NEB: variants seen among roughly 807,000 people sequenced by gnomAD.
The protein encoded by NEB is nemaline myopathy type 2.
In NEB, 512 loss-of-function variants were observed where a neutral mutation model predicts 952.2. That is an observed-to-expected ratio of 0.54 (90% confidence interval 0.50 to 0.58). The LOEUF (loss-of-function observed/expected upper bound fraction) is 0.58. Ranked by LOEUF, NEB falls within the 20% of genes least tolerant of loss-of-function variation. The pLI, the probability that NEB is intolerant of heterozygous loss-of-function variation, is 0.00. For missense variants in NEB, 8,428 were observed against 9,231.1 expected, an observed-to-expected ratio of 0.91 and a Z score of 3.56; for synonymous variants, 2,900 against 3,149.8, an observed-to-expected ratio of 0.92 and a Z score of 2.66.
rs1158944281 is a variant in NEB, at chr2:151,499,595, C to CAT, written c.24022-207_24022-206dup. 1.5e-5 allele frequency: 6 copies of CAT among 395,724 alleles called. No individual in the cohort carries two copies. In the Admixed American group the frequency reaches 2.5e-4, roughly 17 times the overall value. The allele number at this position is 395,724 out of a possible 1,614,324, so 24.5% of individuals were successfully genotyped here. ...AAATATCAGTGTATTTGATATTCAT[C>CAT]ATCTTTTTATTGTAACTTGAATATA... is the stretch of plus-strand genomic sequence containing the variant. On this transcript the variant is annotated intron_variant, in intron 168 of 181. Transcript: ENST00000397345.
At chr2:151,642,918 C>T (rs977998999) in intron 58 of NEB, 49 bp from the exon 59 acceptor site, 11 of 1,386,562 alleles carry the variant, frequency 7.9e-6, no homozygotes, top group Non-Finnish European at 1.1e-5. Flanking sequence ...AATAAATAGA[C>T]ACATGCAGAC....
intron 148 of NEB, among the ~76,000 whole-genome samples, 183 bp downstream of exon 148, chr2:151,526,734 CT>C (rs1195043367): frequency 6.6e-6 from 1 of 152,182 alleles, no homozygotes; most frequent in East Asian, 1.9e-4. Context: ...TCTAATGGCC[CT>C]TGCACTGCTG....
intron 181 of NEB, among the ~76,000 whole-genome samples, chr2:151,487,419 C>T (rs1574359220): frequency 6.6e-6 from 1 of 152,170 alleles, no homozygotes; most frequent in African/African-American, 2.4e-5. Context: ...TGCATATATT[C>T]AAATTCACAA....
intron 3 of NEB, 101 bp downstream of exon 3, chr2:151,733,020 A>C: frequency 9.7e-7 from 1 of 1,029,442 alleles, no homozygotes; most frequent in South Asian, 1.5e-5. Context: ...TTGTGAAGTT[A>C]TAATAGACAA....
intron 161 of NEB, among the ~76,000 whole-genome samples, chr2:151,511,521 A>G (rs2074312086): frequency 6.6e-6 from 1 of 152,222 alleles, no homozygotes. Flanking sequence ...ACTAGCATCA[A>G]AATTCCAGAG....
chr2:151,619,426 C>T (rs1235601370), intron 73 of NEB, 25 bp downstream of exon 73: 2 of 1,562,538 alleles, frequency 1.3e-6, no homozygotes, highest in Admixed American at 1.8e-5. Context: ...TTTTAACATG[C>T]AGAGCTAACA....
intron 58 of NEB, 42 bp downstream of exon 58, chr2:151,643,107 AC>A: frequency 6.4e-7 from 1 of 1,559,984 alleles, no homozygotes; most frequent in Non-Finnish European, 8.8e-7. Context: ...GTTTCCATAA[AC>A]AAAAAAAATT....
intron 44 of NEB, 145 bp downstream of exon 44, chr2:151,664,355 TG>T: frequency 1.8e-6 from 1 of 568,054 alleles, no homozygotes. Context: ...GGTACTTGGA[TG>T]GGGTGAAGGG....
At chr2:151,512,560 T>C (rs1301100117) in intron 161 of NEB, among the ~76,000 whole-genome samples, 173 bp downstream of exon 161, 2 of 151,176 alleles carry the variant, frequency 1.3e-5, no homozygotes, top group Non-Finnish European at 3.0e-5. Flanking sequence ...ATGATCCACT[T>C]TCCTTGGCCT....
chr2:151,716,130 C>CT (rs762939015), intron 10 of NEB: 19,490 of 337,610 alleles, frequency 0.058, 43 homozygotes, highest in South Asian at 0.096. Context: ...CACTTTCTTT[C>CT]TTTTTTTTTT....
At position 151,640,606 on chromosome 2, in the gene NEB, G is replaced by T. The variant is rs747131655; in HGVS notation, c.8434C>A (p.Arg2812Ser). ...LGHHIGARAI[R>S]DDPKMMWSMH... The stretch of plus-strand genomic sequence containing the variant: ...GACCACATCATCTTGGGGTCATCAC[G>T]TATAGCTCGGGCACCAATGTGGTGG... The change falls in exon 61 of 182, where the codon CGT becomes AGT. Residue 2812 changes from arginine to serine, a missense_variant. By Grantham distance (110) the Arg-to-Ser change is moderately radical. Transcript: ENST00000397345. 4.3e-6 allele frequency: 7 copies of T among 1,613,860 alleles called. No homozygotes were observed. In the East Asian group the frequency reaches 8.9e-5, roughly 21 times the overall value.
rs542706227 is a variant in NEB at position 151,485,924 on chromosome 2, G to A, written c.25414C>T (p.Arg8472Cys). 75 of 1,613,688 alleles carry A rather than the reference G, an allele frequency of 4.6e-5. No individual in the cohort carries two copies. Among genetic ancestry groups the A allele is most frequent in the South Asian group, 6.6e-5 (6 of 91,074 alleles). Residue 8472 changes from arginine to cysteine, a missense_variant, in exon 182 of 182, where the codon CGT becomes TGT. Transcript: ENST00000397345. ...GCAGCCATATAGTCATACATGGCACGGAAGATTTTCTATTCGTGGGGATGG... is the reference window on the plus strand; with the variant it reads ...GCAGCCATATAGTCATACATGGCACAGAAGATTTTCTATTCGTGGGGATGG... ...SHPSTAGKIF[R>C]AMYDYMAADA...
intron 65 of NEB, among the ~76,000 whole-genome samples, chr2:151,632,581 C>T (rs2098690400): frequency 6.7e-6 from 1 of 149,352 alleles, no homozygotes; most frequent in South Asian, 2.1e-4. Flanking sequence ...GAGGCTGAAG[C>T]ATGAGAATCA....
chr2:151,552,191 G>C (rs943633986), intron 128 of NEB, among the ~76,000 whole-genome samples: 2 of 152,196 alleles, frequency 1.3e-5, no homozygotes, highest in African/African-American at 4.8e-5. Context: ...TGTGTCAGGC[G>C]TCATAGTGGG....
Position 151,619,517 on chromosome 2 carries a change from T to C in NEB, c.10806A>G (p.Glu3602=), listed in dbSNP as rs763417230. Residue 3602 remains glutamate, a synonymous_variant, in exon 73 of 182, where the codon GAA becomes GAG. Transcript: ENST00000397345. ...CATTCTGGTCGGGCAGGCAGATCCA[T>C]TCATGCAGAGGATGTTTATAGTCCA... The part of the protein sequence containing the change: ...SDVDYKHPLH[E]WICLPDQNDI... 1 of 1,613,930 alleles carries C rather than the reference T, an allele frequency of 6.2e-7. No individual in the cohort carries two copies. Among genetic ancestry groups the C allele is most frequent in the Non-Finnish European group, 8.5e-7 (1 of 1,179,826 alleles).
At chr2:151,667,958 G>C (rs749386810) in intron 39 of NEB, 47 bp from the exon 40 acceptor site, 1 of 1,465,314 alleles carries the variant, frequency 6.8e-7, no homozygotes, top group Non-Finnish European at 9.4e-7. Flanking sequence ...CATTAAAAGA[G>C]GAATGAAACA....
chr2:151,718,467 C>A (rs555139925), intron 9 of NEB, among the ~76,000 whole-genome samples: 1 of 152,282 alleles, frequency 6.6e-6, no homozygotes, highest in African/African-American at 2.4e-5. Flanking sequence ...CTCTCAGGGG[C>A]CAGTCTAAAA....
chr2:151,664,624 G>T lies in NEB; in HGVS notation c.5344-16C>A. The T allele has an allele frequency of 6.3e-7, 1 of 1,582,406 alleles. No homozygotes were observed. Among genetic ancestry groups the T allele is most frequent in the Non-Finnish European group, 8.6e-7 (1 of 1,161,424 alleles). The stretch of plus-strand genomic sequence containing the variant: ...TGTACAGTTTCTAAACAATAAAATA[G>T]AAAAACAACAGCATCTTGTTATTGG... On this transcript the variant is annotated splice_polypyrimidine_tract_variant and intron_variant, in intron 43 of 181. Coordinates refer to ENST00000397345, the MANE Select transcript of NEB (RefSeq NM_001164508.2).
chr2:151,513,509 A>G (rs529531749), intron 160 of NEB, 71 bp downstream of exon 160: 1 of 1,098,172 alleles, frequency 9.1e-7, no homozygotes, highest in East Asian at 2.6e-5. Flanking sequence ...ATCAGATGAC[A>G]GAGGGACACT....
Sources: gnomAD v4.1 joint callset for allele counts (sites outside exome capture counted in the v4.1 genomes callset) on GRCh38, gnomAD v4.1.1 for gene constraint, MANE v1.5 for transcripts, NCBI Gene and HGNC (gene_info 2026-07-23, HGNC 2026-07-21) for gene names.